The following SDCCAG8 variants were observed in gnomAD, a reference collection of about 807,000 sequenced individuals.
SDCCAG8 encodes SHH signaling and ciliogenesis regulator SDCCAG8.
In SDCCAG8, 74 loss-of-function variants were observed where a neutral mutation model predicts 101.8. The observed-to-expected ratio is 0.73, with a 90% confidence interval of 0.60 to 0.88. SDCCAG8 has a LOEUF of 0.88. Ranked by LOEUF, SDCCAG8 falls within the 40% of genes least tolerant of loss-of-function variation. The pLI, the probability that SDCCAG8 is intolerant of heterozygous loss-of-function variation, is 0.00. For synonymous variants in SDCCAG8, 281 were observed against 292.9 expected (o/e 0.96, Z 0.41); for missense variants, 787 against 822.6 (o/e 0.96, Z 0.53).
intron 16 of SDCCAG8, among the ~76,000 whole-genome samples, chr1:243,476,993 G>T (rs1662540064): frequency 7.6e-6 from 1 of 131,558 alleles, no homozygotes. Flanking sequence ...CTGTCAACTG[G>T]TTCTGTACAC....
chr1:243,356,671 A>G (rs1052427736), intron 12 of SDCCAG8, among the ~76,000 whole-genome samples: 1 of 152,076 alleles, frequency 6.6e-6, no homozygotes, highest in African/African-American at 2.4e-5. Flanking sequence ...CTTTTCCCCT[A>G]CAACCACTGC....
At chr1:243,390,957 T>G (rs1399175798) in intron 13 of SDCCAG8, among the ~76,000 whole-genome samples, 1 of 152,216 alleles carries the variant, frequency 6.6e-6, no homozygotes, top group Non-Finnish European at 1.5e-5. Flanking sequence ...CTAAAATTAA[T>G]TCACATTCTT....
At chr1:243,317,886 T>C in intron 9 of SDCCAG8, 1 of 333,756 alleles carries the variant, frequency 3.0e-6, no homozygotes, top group Non-Finnish European at 5.9e-6. Flanking sequence ...ATTTTCATTA[T>C]CATGAAAAGT....
At chr1:243,368,164 T>C (rs2077090200) in intron 12 of SDCCAG8, among the ~76,000 whole-genome samples, 1 of 151,200 alleles carries the variant, frequency 6.6e-6, no homozygotes, top group Admixed American at 6.6e-5. Flanking sequence ...TGAAGTGAAC[T>C]GTAATCTCAC....
chr1:243,351,939 G>C (rs950620337), intron 12 of SDCCAG8, among the ~76,000 whole-genome samples: 1 of 152,106 alleles, frequency 6.6e-6, no homozygotes, highest in Non-Finnish European at 1.5e-5. Flanking sequence ...GAATAATACC[G>C]AGTTGGAGAT....
At chr1:243,374,898 A>G (rs1017632063) in intron 12 of SDCCAG8, among the ~76,000 whole-genome samples, 2 of 152,158 alleles carry the variant, frequency 1.3e-5, no homozygotes, top group African/African-American at 4.8e-5. Flanking sequence ...AAAATTATTG[A>G]TGATTGTTTA....
chr1:243,483,591 C>T (rs896834343), intron 16 of SDCCAG8, among the ~76,000 whole-genome samples: 2 of 152,178 alleles, frequency 1.3e-5, no homozygotes, highest in Non-Finnish European at 2.9e-5. Flanking sequence ...TCCCCGCCAG[C>T]CCAGCCCCTC....
chr1:243,295,531 C>T (rs2070785653), intron 6 of SDCCAG8, among the ~76,000 whole-genome samples: 1 of 152,156 alleles, frequency 6.6e-6, no homozygotes, highest in South Asian at 2.1e-4. Flanking sequence ...CCACTGTACT[C>T]GGCCTCACTC....
At chr1:243,378,897 G>A (rs112810434) in intron 13 of SDCCAG8, 34 bp downstream of exon 13, 157 of 1,613,652 alleles carry the variant, frequency 9.7e-5, no homozygotes, top group Non-Finnish European at 1.2e-4. Flanking sequence ...CCATAGCACC[G>A]ATTTCATTCC....
chr1:243,262,625 A>G (rs1240661510), intron 1 of SDCCAG8, among the ~76,000 whole-genome samples: 1 of 152,214 alleles, frequency 6.6e-6, no homozygotes, highest in East Asian at 1.9e-4. Flanking sequence ...TTGTAGGGGT[A>G]CTTTTTCATG....
At chr1:243,471,847 C>T (rs1025288693) in intron 16 of SDCCAG8, among the ~76,000 whole-genome samples, 1 of 152,150 alleles carries the variant, frequency 6.6e-6, no homozygotes, top group Admixed American at 6.5e-5. Flanking sequence ...GTGCCATTTA[C>T]TCAGCAATTT....
chr1:243,295,604 C>CATAAATTT (rs1328269555), intron 6 of SDCCAG8, among the ~76,000 whole-genome samples: 1 of 152,194 alleles, frequency 6.6e-6, no homozygotes, highest in Non-Finnish European at 1.5e-5. Flanking sequence ...GTTGCTGCTT[C>CATAAATTT]ATAAATTTAT....
chr1:243,404,118 G>T (rs886485757), intron 13 of SDCCAG8, among the ~76,000 whole-genome samples: 3 of 152,220 alleles, frequency 2.0e-5, no homozygotes, highest in East Asian at 3.9e-4. Flanking sequence ...GCTTACATGC[G>T]AAGGGATAAA....
chr1:243,324,459 C>CTTTTTTT lies in SDCCAG8; in HGVS notation c.1069-6066_1069-6060dup, dbSNP rs34446782. On this transcript the variant is annotated intron_variant, in intron 9 of 17. Transcript: ENST00000366541. ...GTTCAAGGCTTCACATCTTCACATGCTTTTTTTTTTTTTTTTTTTTTCAGA... is the reference window on the plus strand; with the variant it reads ...GTTCAAGGCTTCACATCTTCACATGCTTTTTTTTTTTTTTTTTTTTTTTTTTTTCAGA... 1.1e-4 allele frequency among the ~76,000 whole-genome samples: 10 copies of CTTTTTTT among 87,012 alleles called. 2 individuals are homozygous for CTTTTTTT. The highest frequency in any genetic ancestry group is 4.3e-4 in the South Asian group (1 of 2,312). 57.1% of individuals were successfully genotyped at this position (87,012 alleles called of 152,430 possible). A position where few individuals can be genotyped will look rare whatever the true frequency, so the allele number is the denominator to read the frequency against.
intron 16 of SDCCAG8, among the ~76,000 whole-genome samples, chr1:243,449,352 G>T (rs980757928): frequency 1.4e-4 from 22 of 152,186 alleles, no homozygotes; most frequent in African/African-American, 5.3e-4. Flanking sequence ...TCCCCCAGTG[G>T]CTGATACATT....
intron 1 of SDCCAG8, among the ~76,000 whole-genome samples, chr1:243,264,940 A>C (rs2067470401): frequency 6.6e-6 from 1 of 152,178 alleles, no homozygotes; most frequent in Non-Finnish European, 1.5e-5. Flanking sequence ...GAAACAGATA[A>C]AGCTGTGTCC....
At chr1:243,391,817 G>A (rs1214362733) in intron 13 of SDCCAG8, among the ~76,000 whole-genome samples, 2 of 152,188 alleles carry the variant, frequency 1.3e-5, no homozygotes, top group African/African-American at 4.8e-5. Flanking sequence ...GTCACTATTG[G>A]AATGTGTGCA....
At chr1:243,399,988 AGT>A (rs1215519424) in intron 13 of SDCCAG8, among the ~76,000 whole-genome samples, 3 of 152,232 alleles carry the variant, frequency 2.0e-5, no homozygotes, top group African/African-American at 4.8e-5. Context: ...CCTTGACCCA[AGT>A]CACAGCACTG....
intron 16 of SDCCAG8, among the ~76,000 whole-genome samples, chr1:243,440,140 G>A (rs1186841089): frequency 2.0e-5 from 3 of 152,142 alleles, no homozygotes; most frequent in African/African-American, 7.2e-5. Flanking sequence ...GGGTGAGTCA[G>A]TGTCTTCATT....
Sources: gnomAD v4.1 joint callset for allele counts (sites outside exome capture counted in the v4.1 genomes callset) on GRCh38, gnomAD v4.1.1 for gene constraint, MANE v1.5 for transcripts, NCBI Gene and HGNC (gene_info 2026-07-23, HGNC 2026-07-21) for gene names.